Variants in CFAP47 observed in about 807,000 individuals in gnomAD.
The protein encoded by CFAP47 is cilia and flagella associated protein 47.
Under a neutral mutation model 148.1 loss-of-function variants are expected in CFAP47, and 29 were observed. That is an observed-to-expected ratio of 0.20 (90% CI 0.15 to 0.27). CFAP47 has a LOEUF of 0.27. CFAP47 is among the 10% of genes least tolerant of loss of function. CFAP47 has a pLI of 1.00. For missense variants in CFAP47, 1,872 were observed against 1,697.5 expected (o/e 1.10, Z -1.81); for synonymous variants, 664 against 577.3 (o/e 1.15, Z -2.15).
intron 33 of CFAP47, among the ~76,000 whole-genome samples, chrX:36,106,878 T>C (rs1938474904): frequency 8.9e-6 from 1 of 111,809 alleles, no homozygotes; most frequent in Non-Finnish European, 1.9e-5. Context: ...GAAACTACTC[T>C]GTTTGATACT....
chrX:36,252,998 C>T (rs113214454), intron 49 of CFAP47, among the ~76,000 whole-genome samples: 4,358 of 111,899 alleles, frequency 0.039, 238 homozygotes, highest in African/African-American at 0.13. Flanking sequence ...AATAGACTGA[C>T]GAAAAATTAA....
At chrX:36,085,273 C>T in intron 29 of CFAP47, 41 bp from the exon 30 acceptor site, 1 of 869,388 alleles carries the variant, frequency 1.2e-6, no homozygotes, top group African/African-American at 2.0e-5. Context: ...CATACTATAA[C>T]ATTTTGAGAC....
chrX:36,191,780 T>G (rs1939867839), intron 42 of CFAP47, among the ~76,000 whole-genome samples: 1 of 109,730 alleles, frequency 9.1e-6, no homozygotes, highest in African/African-American at 3.4e-5. Context: ...GGTCAGGAGT[T>G]TGAGACCACC....
chrX:36,176,303 A>G (rs984406852), intron 39 of CFAP47, among the ~76,000 whole-genome samples: 2 of 112,224 alleles, frequency 1.8e-5, no homozygotes, highest in Non-Finnish European at 3.8e-5. Context: ...AGCTGTTCCT[A>G]TTCGGCCATC....
At position 36,029,694 on chromosome X, in the gene CFAP47, T is replaced by C. The variant is rs188009853; in HGVS notation, c.3557-1559T>C. ...ATCGTTTTCTATATTCTCAGATTAC[T>C]ATTGGTTGGATTTTATACTTTATGG... is the stretch of plus-strand genomic sequence containing the variant. On this transcript the variant is annotated intron_variant, in intron 22 of 63. Transcript: ENST00000378653. Among the ~76,000 whole-genome samples, 12 of 110,420 alleles carry C rather than the reference T, an allele frequency of 1.1e-4. No homozygotes were observed. In the East Asian group the frequency reaches 3.4e-3, roughly 31 times the overall value.
intron 36 of CFAP47, among the ~76,000 whole-genome samples, chrX:36,148,208 C>A (rs1469031135): frequency 9.0e-6 from 1 of 111,224 alleles, no homozygotes; most frequent in African/African-American, 3.3e-5. Flanking sequence ...TCTGGCTAAA[C>A]CAATATAAGA....
chrX:36,211,667 AAAG>A (rs1226831357), intron 45 of CFAP47: 2 of 196,153 alleles, frequency 1.0e-5, no homozygotes, highest in Non-Finnish European at 1.9e-5. Context: ...TAAGAAAAAG[AAAG>A]AAGAGGAGGA....
intron 29 of CFAP47, among the ~76,000 whole-genome samples, chrX:36,082,550 C>T (rs897088556): frequency 7.2e-5 from 8 of 111,584 alleles, no homozygotes; most frequent in African/African-American, 9.8e-5. Flanking sequence ...TTGAATCGTA[C>T]TGGAAGTCCC....
chrX:35,981,792 G>A (rs1936648539), intron 15 of CFAP47, among the ~76,000 whole-genome samples: 1 of 111,765 alleles, frequency 8.9e-6, no homozygotes, highest in African/African-American at 3.3e-5. Flanking sequence ...TTCTGTTTCT[G>A]CATCAGTTTG....
chrX:36,033,042 A>G (rs768254710), intron 23 of CFAP47, among the ~76,000 whole-genome samples: 23 of 111,993 alleles, frequency 2.1e-4, no homozygotes, highest in African/African-American at 7.1e-4. Context: ...AGCTTTCAGA[A>G]AGGAACACAG....
At chrX:36,281,614 T>A (rs959307789) in intron 50 of CFAP47, among the ~76,000 whole-genome samples, 4 of 112,311 alleles carry the variant, frequency 3.6e-5, no homozygotes, top group Non-Finnish European at 7.5e-5. Flanking sequence ...GCCTACTCAA[T>A]GGAAGATAAT....
intron 55 of CFAP47, among the ~76,000 whole-genome samples, chrX:36,307,776 C>A (rs1305513240): frequency 9.1e-6 from 1 of 110,338 alleles, no homozygotes; most frequent in African/African-American, 3.3e-5. Context: ...GAAGTATCTT[C>A]ATTTCCAAAA....
chrX:36,336,206 GTCTC>G (rs1335493877), intron 57 of CFAP47, among the ~76,000 whole-genome samples: 2 of 94,558 alleles, frequency 2.1e-5, no homozygotes, highest in African/African-American at 7.8e-5. Context: ...CTGTCTGTCT[GTCTC>G]TCTGTCTCTC....
chrX:36,099,321 A>G (rs1228413065), intron 31 of CFAP47, among the ~76,000 whole-genome samples: 1 of 109,885 alleles, frequency 9.1e-6, no homozygotes, highest in Non-Finnish European at 1.9e-5. Flanking sequence ...CTGAGAGGGG[A>G]GTGGTCTTTG....
chrX:36,071,218 T>C (rs1937745188), intron 27 of CFAP47, among the ~76,000 whole-genome samples: 2 of 112,509 alleles, frequency 1.8e-5, no homozygotes, highest in South Asian at 7.3e-4. Flanking sequence ...AAATTGCATA[T>C]GTATTTTGAG....
chrX:35,967,725 C>T lies in CFAP47; in HGVS notation c.1707C>T (p.Arg569=). Residue 569 remains arginine (R), a synonymous_variant, in exon 10 of 64, where the codon CGC becomes CGT. Transcript: ENST00000378653. Reference sequence around the variant, plus strand: ...CAATGCTTCAATCAGCCATGACACGCACTCACAATCATCGCTCATGTGAAG... The same window carrying T: ...CAATGCTTCAATCAGCCATGACACGTACTCACAATCATCGCTCATGTGAAG... The part of the protein sequence containing the change: ...PVAMLQSAMT[R]THNHRSCEEP... The T allele has an allele frequency of 1.7e-6, 2 of 1,207,894 alleles. No individual in the cohort carries two copies. The highest frequency in any genetic ancestry group is 3.0e-5 in the East Asian group (1 of 33,775).
At chrX:35,930,094 T>G (rs750179519) in intron 2 of CFAP47, among the ~76,000 whole-genome samples, 3 of 112,108 alleles carry the variant, frequency 2.7e-5, no homozygotes, top group Admixed American at 9.5e-5. Context: ...TTTATCAAGT[T>G]GAAGTAATTC....
In CFAP47 at chrX:35,951,201, T is replaced by C; in HGVS notation, c.727T>C (p.Leu243=). Residue 243 remains leucine (L), a synonymous_variant, in exon 5 of 64, where the codon TTA becomes CTA. Transcript: ENST00000378653. ...KAHVVEQIIE[L]LSMSSDRRLE... ...TCATGTGGTTGAGCAGATTATTGAA[T>C]TATTAAGCATGAGTAGTGACAGAAG... The C allele has an allele frequency of 8.3e-7, 1 of 1,211,071 alleles. No individual in the cohort carries two copies.
At chrX:36,288,329 G>A (rs1205050175) in intron 51 of CFAP47, among the ~76,000 whole-genome samples, 3 of 111,937 alleles carry the variant, frequency 2.7e-5, no homozygotes, top group Non-Finnish European at 3.8e-5. Context: ...ACATGTAATA[G>A]CTGCTGTTCC....
Sources: gnomAD v4.1 joint callset for allele counts (sites outside exome capture counted in the v4.1 genomes callset) on GRCh38, gnomAD v4.1.1 for gene constraint, MANE v1.5 for transcripts, NCBI Gene and HGNC (gene_info 2026-07-23, HGNC 2026-07-21) for gene names.